Variants in ZDHHC17 observed in about 807,000 individuals in gnomAD.
ZDHHC17 encodes the protein zDHHC palmitoyltransferase 17, also known as palmitoyltransferase ZDHHC17.
In ZDHHC17, 40 loss-of-function variants were observed where a neutral mutation model predicts 90.3. The ratio of observed to expected loss-of-function variants is 0.44; its 90% CI spans 0.34 to 0.58. ZDHHC17 has a LOEUF of 0.58. ZDHHC17 is among the 20% of genes least tolerant of loss of function. The probability of loss-of-function intolerance (pLI) is 0.01; values close to 1 mark genes in which losing one functional copy is unlikely to be tolerated. For missense variants in ZDHHC17, 614 were observed against 780.8 expected, an observed-to-expected ratio of 0.79 and a Z score of 2.55; for synonymous variants, 235 against 252.4, an observed-to-expected ratio of 0.93 and a Z score of 0.65.
At chr12:76,765,480 A>G (rs2137702018) in intron 1 of ZDHHC17, among the ~76,000 whole-genome samples, 1 of 152,318 alleles carries the variant, frequency 6.6e-6, no homozygotes, top group South Asian at 2.1e-4. Context: ...GGTTTCTGAT[A>G]AACAGAACTA....
chr12:76,800,376 C>G (rs1169709123), intron 2 of ZDHHC17, among the ~76,000 whole-genome samples: 1 of 152,190 alleles, frequency 6.6e-6, no homozygotes, highest in Non-Finnish European at 1.5e-5. Context: ...CCACAGTTTC[C>G]TTAAGTTCTG....
chr12:76,818,065 G>A (rs1953110866), intron 7 of ZDHHC17, among the ~76,000 whole-genome samples: 1 of 151,856 alleles, frequency 6.6e-6, no homozygotes, highest in Non-Finnish European at 1.5e-5. Context: ...ATAGAGGTTG[G>A]CTATTGACAA....
rs149681094 is a variant in ZDHHC17 at position 76,816,333 on chromosome 12, A to G, written c.771+314A>G. ...TATTTAAGAGCCAAGCACAATTAAC[A>G]TTTGCACTCTAAACATTTAGAAATC... is the stretch of plus-strand genomic sequence containing the variant. On this transcript the variant is annotated intron_variant, in intron 7 of 16. Coordinates refer to ENST00000426126, the MANE Select transcript of ZDHHC17 (RefSeq NM_015336.4). Among the ~76,000 whole-genome samples the G allele has an allele frequency of 2.2e-3, 336 of 152,128 alleles. 3 individuals are homozygous for G. The highest frequency in any genetic ancestry group is 7.8e-3 in the African/African-American group (325 of 41,544).
chr12:76,829,184 C>T (rs11115630), intron 10 of ZDHHC17, among the ~76,000 whole-genome samples: 1,688 of 152,132 alleles, frequency 0.011, 11 homozygotes, highest in Non-Finnish European at 0.017. Flanking sequence ...AATGGCTGGG[C>T]GCTGCGTCTC....
chr12:76,827,417 A>G (rs183366597), intron 9 of ZDHHC17, among the ~76,000 whole-genome samples: 7 of 152,298 alleles, frequency 4.6e-5, no homozygotes, highest in Non-Finnish European at 1.0e-4. Context: ...TGTAGAAAAT[A>G]AGGCATAAAC....
At chr12:76,826,830 T>A in intron 8 of ZDHHC17, 78 bp from the exon 9 acceptor site, 1 of 1,413,198 alleles carries the variant, frequency 7.1e-7, no homozygotes, top group Non-Finnish European at 9.3e-7. Flanking sequence ...GTTGCATGCC[T>A]TCACAAAGGT....
intron 1 of ZDHHC17, among the ~76,000 whole-genome samples, chr12:76,778,607 G>A (rs1158540430): frequency 2.6e-5 from 4 of 152,206 alleles, no homozygotes; most frequent in Admixed American, 2.6e-4. Flanking sequence ...TGCTGAGTCA[G>A]CAACCATAAT....
Position 76,842,918 on chromosome 12 carries a change from G to A in ZDHHC17, c.1267-1G>A. ...TTAAATATTATTTTTTTAATTCACAGACAATAGTTGAACTTGCAGAGACAG... is the reference window on the plus strand; with the variant it reads ...TTAAATATTATTTTTTTAATTCACAAACAATAGTTGAACTTGCAGAGACAG... On this transcript the variant is annotated splice_acceptor_variant, in intron 11 of 16. Coordinates refer to ENST00000426126, the MANE Select transcript of ZDHHC17 (RefSeq NM_015336.4). LOFTEE classifies it high-confidence loss of function. The A allele has an allele frequency of 6.2e-7, 1 of 1,607,074 alleles. No homozygotes were observed. The highest frequency in any genetic ancestry group is 1.7e-5 in the Admixed American group (1 of 59,454).
intron 1 of ZDHHC17, chr12:76,764,659 A>C (rs576569211): frequency 1.2e-5 from 6 of 512,858 alleles, no homozygotes; most frequent in Non-Finnish European, 2.2e-5. Flanking sequence ...ACCGCAGCTT[A>C]GACCCTAGTC....
chr12:76,774,136 G>A (rs1293556539), intron 1 of ZDHHC17, among the ~76,000 whole-genome samples: 1 of 152,066 alleles, frequency 6.6e-6, no homozygotes, highest in Non-Finnish European at 1.5e-5. Flanking sequence ...TGTAGTCCCA[G>A]CTACTTAGGA....
chr12:76,832,249 C>G (rs1004010255), intron 10 of ZDHHC17, among the ~76,000 whole-genome samples: 1 of 152,176 alleles, frequency 6.6e-6, no homozygotes, highest in Non-Finnish European at 1.5e-5. Context: ...GGTGCTGATT[C>G]AGGTACCTTA....
At chr12:76,793,707 A>G (rs1952787245) in intron 1 of ZDHHC17, among the ~76,000 whole-genome samples, 1 of 152,172 alleles carries the variant, frequency 6.6e-6, no homozygotes, top group South Asian at 2.1e-4. Context: ...ACTTTTATTC[A>G]TTAGCCTCTC....
At chr12:76,836,041 C>T (rs1402325256) in intron 10 of ZDHHC17, among the ~76,000 whole-genome samples, 1 of 151,646 alleles carries the variant, frequency 6.6e-6, no homozygotes, top group East Asian at 1.9e-4. Context: ...AGTAAACAGA[C>T]ATGGGCATAA....
In ZDHHC17 at chr12:76,826,770, A is replaced by G; in HGVS notation, c.898-138A>G. 4 of 777,676 alleles carry G rather than the reference A, an allele frequency of 5.1e-6. No homozygotes were observed. In the South Asian group the frequency reaches 1.0e-4, roughly 20 times the overall value. 48.2% of individuals were successfully genotyped at this position (777,676 alleles called of 1,614,324 possible). A position where few individuals can be genotyped will look rare whatever the true frequency, so the allele number is the denominator to read the frequency against. On this transcript the variant is annotated intron_variant, in intron 8 of 16. Coordinates refer to ENST00000426126, the MANE Select transcript of ZDHHC17 (RefSeq NM_015336.4). The stretch of plus-strand genomic sequence containing the variant: ...CAGAAGACAGACACCAGCACCTTGA[A>G]TAGTACTGATACATAGCATGCAAAT...
intron 5 of ZDHHC17, among the ~76,000 whole-genome samples, chr12:76,811,572 C>CATG (rs1362653787): frequency 6.6e-6 from 1 of 150,980 alleles, no homozygotes; most frequent in African/African-American, 2.4e-5. Flanking sequence ...ACAAAAAGGG[C>CATG]ATGATGATGA....
chr12:76,806,803 G>A (rs1952959696), intron 3 of ZDHHC17, among the ~76,000 whole-genome samples: 1 of 152,218 alleles, frequency 6.6e-6, no homozygotes, highest in Non-Finnish European at 1.5e-5. Flanking sequence ...ATTTGCCTCT[G>A]CGCCTAGCCA....
chr12:76,804,497 C>T (rs1952931604), intron 2 of ZDHHC17, among the ~76,000 whole-genome samples: 3 of 152,126 alleles, frequency 2.0e-5, no homozygotes, highest in Admixed American at 2.0e-4. Context: ...CATGATAAAC[C>T]TAAGCACTGG....
chr12:76,779,947 G>T (rs934623209), intron 1 of ZDHHC17, among the ~76,000 whole-genome samples: 7 of 151,034 alleles, frequency 4.6e-5, no homozygotes, highest in African/African-American at 7.3e-5. Flanking sequence ...TTACATTGTT[G>T]TAAAAAATCA....
chr12:76,781,287 A>T (rs1952622993), intron 1 of ZDHHC17, among the ~76,000 whole-genome samples: 1 of 152,246 alleles, frequency 6.6e-6, no homozygotes, highest in Non-Finnish European at 1.5e-5. Flanking sequence ...TACCCTAGAG[A>T]AACTTTTACA....
Sources: allele counts gnomAD v4.1 joint callset (sites outside exome capture counted in the v4.1 genomes callset), GRCh38; gene constraint gnomAD v4.1.1; transcripts MANE v1.5; gene names NCBI Gene and HGNC (gene_info 2026-07-23, HGNC 2026-07-21).